Variants in CLUH observed in about 807,000 individuals in gnomAD.
CLUH encodes clustered mitochondria protein homolog.
CLUH carries 77 observed loss-of-function variants against 139.3 expected under a neutral mutation model. That is an observed-to-expected ratio of 0.55 (90% CI 0.46 to 0.67). CLUH has a LOEUF of 0.67. CLUH is among the 30% of genes least tolerant of loss of function. The probability of loss-of-function intolerance (pLI) is 0.00; values close to 1 mark genes in which losing one functional copy is unlikely to be tolerated. For missense variants in CLUH, 1,876 were observed against 1,875.8 expected (o/e 1.00, Z 0.00); for synonymous variants, 999 against 801.6 (o/e 1.25, Z -4.16).
At chr17:2,692,949 C>G (rs757294062) in intron 19 of CLUH, 89 bp from the exon 20 acceptor site, 37 of 1,301,216 alleles carry the variant, frequency 2.8e-5, no homozygotes, top group Admixed American at 2.2e-4. Context: ...CCCACGGTGC[C>G]GCTCTGCAGG....
At chr17:2,696,124 A>G (rs571159376) in intron 13 of CLUH, 35 bp downstream of exon 13, 2 of 1,504,702 alleles carry the variant, frequency 1.3e-6, no homozygotes, top group East Asian at 4.9e-5. Context: ...CACCCTCCAC[A>G]CAAGCCCCAC....
intron 22 of CLUH, 29 bp from the exon 23 acceptor site, chr17:2,692,126 GA>G: frequency 6.4e-7 from 1 of 1,571,820 alleles, no homozygotes; most frequent in Non-Finnish European, 8.6e-7. Flanking sequence ...CGGGGCGAGG[GA>G]AGGGCATAAG....
chr17:2,700,883 C>T (rs961334403), intron 7 of CLUH, 58 bp from the exon 8 acceptor site: 8 of 1,500,414 alleles, frequency 5.3e-6, no homozygotes, highest in South Asian at 2.7e-5. Flanking sequence ...AGCCCTTCCA[C>T]GGGCCCCTTT....
Position 2,704,585 on chromosome 17 carries a change from T to G in CLUH, c.101-21A>C. On this transcript the variant is annotated intron_variant, in intron 1 of 25. Coordinates refer to ENST00000651024, the MANE Select transcript of CLUH (RefSeq NM_001366661.1). This position sits in a 1 kb window ranked among gnomAD's most constrained non-coding sequence, Gnocchi z 5.7. ...CAGCTCTGCGGGTGACAAGAACGGG[T>G]CAGAATCAGGCAGCCTCGCTGGTCG... is the stretch of plus-strand genomic sequence containing the variant. 1 of 1,534,822 alleles carries G rather than the reference T, an allele frequency of 6.5e-7. No homozygotes were observed. Among genetic ancestry groups the G allele is most frequent in the Non-Finnish European group, 8.8e-7 (1 of 1,139,258 alleles).
In CLUH at chr17:2,698,087, C is replaced by T; in HGVS notation, c.1770G>A (p.Lys590=). 6.2e-7 allele frequency: 1 copy of T among 1,605,564 alleles called. No homozygotes were observed. The highest frequency in any genetic ancestry group is 1.1e-5 in the South Asian group (1 of 89,886). ...EVELCSSVEC[K]GIIGNDGRHY... is the part of the protein sequence containing the mutation. ...GGCGCCCGTCGTTGCCAATGATGCC[C>T]TTGCACTCGACCGAGGAGCAGAGCT... Residue 590 remains lysine, a synonymous_variant, in exon 10 of 26, where the codon AAG becomes AAA. Transcript: ENST00000651024.
intron 19 of CLUH, 167 bp from the exon 20 acceptor site, chr17:2,693,027 C>T: frequency 1.8e-6 from 1 of 544,378 alleles, no homozygotes; most frequent in Non-Finnish European, 3.1e-6. Context: ...GCAGCTGCTG[C>T]CACACCTTGA....
chr17:2,705,971 C>A (rs1260320451), intron 1 of CLUH, among the ~76,000 whole-genome samples: 1 of 152,176 alleles, frequency 6.6e-6, no homozygotes, highest in Non-Finnish European at 1.5e-5. Flanking sequence ...AGGACCTTGG[C>A]CCCCAGGATC....
At position 2,706,932 on chromosome 17, in the gene CLUH, A is replaced by C. The variant is rs1438838982; in HGVS notation, c.101-2368T>G. Among the ~76,000 whole-genome samples the C allele has an allele frequency of 1.3e-5, 2 of 152,180 alleles. No individual in the cohort carries two copies. Among genetic ancestry groups the C allele is most frequent in the African/African-American group, 2.4e-5 (1 of 41,438 alleles). On this transcript the variant is annotated intron_variant, in intron 1 of 25. Transcript: ENST00000651024. The surrounding 1 kb of genome is among the most constrained non-coding windows in gnomAD (Gnocchi z 4.6). ...GGACAGAAAGGAGGGACGACAAGGC[A>C]AGGTGGCCGCGGCTCCCACTCTCCT...
chr17:2,695,381 T>C lies in CLUH; in HGVS notation c.2537A>G (p.His846Arg), dbSNP rs2069898676. 6.2e-7 allele frequency: 1 copy of C among 1,612,690 alleles called. No homozygotes were observed. Among genetic ancestry groups the C allele is most frequent in the Non-Finnish European group, 8.5e-7 (1 of 1,179,688 alleles). Residue 846 changes from histidine to arginine, a missense_variant, in exon 14 of 26, where the codon CAC (histidine) becomes CGC (arginine). His to Arg is a conservative substitution (Grantham distance 29). This residue lies in a region of CLUH where 1,454 missense variants were observed against 1,384.4 expected (regional missense o/e 1.05). Transcript: ENST00000651024. Reference sequence around the variant, plus strand: ...ACCCCGGGCAGCACTCACAAAGACGTGGTCCAGCTGGTGGCGGGCCGGGCT... The same window carrying C: ...ACCCCGGGCAGCACTCACAAAGACGCGGTCCAGCTGGTGGCGGGCCGGGCT... The part of the protein sequence containing the change: ...LRSPARHQLD[H>R]VFKIGIGELI...
In CLUH at chr17:2,701,691, G is replaced by A. The variant is rs772367487; in HGVS notation, c.666C>T (p.Cys222=). The part of the protein sequence containing the change: ...KKGLEMDPID[C]TPPEYILPGS... ...CTGGCAGGATGTACTCGGGTGGTGT[G>A]CAGTCGATGGGGTCCATCTCCAAGC... Residue 222 remains cysteine, a synonymous_variant, in exon 5 of 26, where the codon TGC becomes TGT. Coordinates refer to ENST00000651024, the MANE Select transcript of CLUH (RefSeq NM_001366661.1). 6.3e-7 allele frequency: 1 copy of A among 1,591,870 alleles called. No individual in the cohort carries two copies. The highest frequency in any genetic ancestry group is 2.2e-5 in the East Asian group (1 of 44,450).
chr17:2,708,537 G>T (rs1376477510), intron 1 of CLUH, among the ~76,000 whole-genome samples: 1 of 152,074 alleles, frequency 6.6e-6, no homozygotes, highest in Non-Finnish European at 1.5e-5. Context: ...GGAAGCAGCT[G>T]CCCAAGGTCA....
At chr17:2,700,982 G>A in intron 7 of CLUH, 157 bp from the exon 8 acceptor site, 1 of 1,438,290 alleles carries the variant, frequency 7.0e-7, no homozygotes, top group Non-Finnish European at 9.3e-7. Context: ...TCCTGCGGCT[G>A]CTGTCTCGGC....
chr17:2,696,579 C>T (rs770380983), intron 11 of CLUH, 41 bp from the exon 12 acceptor site: 1 of 1,538,018 alleles, frequency 6.5e-7, no homozygotes, highest in South Asian at 1.2e-5. Context: ...TCCCCTCTGC[C>T]ACCGGTGGAG....
chr17:2,696,594 G>A lies in CLUH; in HGVS notation c.2186-56C>T. 5 of 1,531,638 alleles carry A rather than the reference G, an allele frequency of 3.3e-6. No individual in the cohort carries two copies. In the South Asian group the frequency reaches 5.9e-5, roughly 18 times the overall value. 94.9% of individuals were successfully genotyped at this position (1,531,638 alleles called of 1,614,324 possible). On this transcript the variant is annotated intron_variant, in intron 11 of 25. Coordinates refer to ENST00000651024, the MANE Select transcript of CLUH (RefSeq NM_001366661.1). The stretch of plus-strand genomic sequence containing the variant: ...TCCCCTCTGCCACCGGTGGAGCTGG[G>A]CTGCGCCAAGCCTCGCCCCCTAGCT...
At position 2,707,939 on chromosome 17, in the gene CLUH, C is replaced by T; in HGVS notation, c.101-3375G>A. The T allele has an allele frequency of 1.0e-6, 1 of 985,472 alleles. No homozygotes were observed. The highest frequency in any genetic ancestry group is 4.7e-5 in the South Asian group (1 of 21,294). The allele number at this position is 985,472 out of a possible 1,614,324, so 61.0% of individuals were successfully genotyped here. A position where few individuals can be genotyped will look rare whatever the true frequency, so the allele number is the denominator to read the frequency against. On this transcript the variant is annotated intron_variant, in intron 1 of 25. Transcript: ENST00000651024. This position sits in a 1 kb window ranked among gnomAD's most constrained non-coding sequence, Gnocchi z 7.4. ...CCAGAGGACAACTGCACCCGTGCCC[C>T]TGGCCTCCAGGCTCCATCAAGAAGC...
chr17:2,707,146 G>T lies in CLUH; in HGVS notation c.101-2582C>A, dbSNP rs556676192. 13 of 982,842 alleles carry T rather than the reference G, an allele frequency of 1.3e-5. No individual in the cohort carries two copies. The Admixed American group carries it at 6.8e-4, about 51-fold the overall frequency. The allele number at this position is 982,842 out of a possible 1,614,324, so 60.9% of individuals were successfully genotyped here. ...GAGCGATCTCCCCCGCAGGCAGCTG[G>T]CTGGCTCACCAGGTCCCGGTGCTCA... is the stretch of plus-strand genomic sequence containing the variant. On this transcript the variant is annotated intron_variant, in intron 1 of 25. Coordinates refer to ENST00000651024, the MANE Select transcript of CLUH (RefSeq NM_001366661.1). This position sits in a 1 kb window ranked among gnomAD's most constrained non-coding sequence, Gnocchi z 7.4.
In CLUH at chr17:2,707,648, G is replaced by T; in HGVS notation, c.101-3084C>A. On this transcript the variant is annotated intron_variant, in intron 1 of 25. Coordinates refer to ENST00000651024, the MANE Select transcript of CLUH (RefSeq NM_001366661.1). This position sits in a 1 kb window ranked among gnomAD's most constrained non-coding sequence, Gnocchi z 7.4. ...TGGCAGGGGCAGGGCCCAGCAAGGG[G>T]GTCCTCTCCTCCGCTCCCATCCCAG... 2 of 985,410 alleles carry T rather than the reference G, an allele frequency of 2.0e-6. No individual in the cohort carries two copies. The highest frequency in any genetic ancestry group is 3.5e-5 in the African/African-American group (2 of 57,352). The allele number at this position is 985,410 out of a possible 1,614,324, so 61.0% of individuals were successfully genotyped here.
At position 2,690,095 on chromosome 17, in the gene CLUH, G is replaced by T. The variant is rs975176535; in HGVS notation, c.*499C>A. 6.5e-6 allele frequency: 1 copy of T among 153,814 alleles called. No homozygotes were observed. Among genetic ancestry groups the T allele is most frequent in the African/African-American group, 2.4e-5 (1 of 41,488 alleles). 9.5% of individuals were successfully genotyped at this position (153,814 alleles called of 1,614,324 possible). ...CCACCCCTCCCCACCGGGTTTTTCG[G>T]CCTAAACCCTGAACTTTCAGACAGG... On this transcript the variant is annotated 3_prime_UTR_variant, in exon 26 of 26. Transcript: ENST00000651024.
chr17:2,700,939 C>T (rs2151712650), intron 7 of CLUH, 114 bp from the exon 8 acceptor site: 3 of 1,441,440 alleles, frequency 2.1e-6, no homozygotes, highest in East Asian at 4.8e-5. Context: ...TGAGACACTG[C>T]CCTGGAGCCA....
Sources: gnomAD v4.1 joint callset for allele counts (sites outside exome capture counted in the v4.1 genomes callset) on GRCh38, gnomAD v4.1.1 for gene constraint, gnomAD v4.1.1 regional missense constraint, Gnocchi (gnomAD v3.1) non-coding constraint, MANE v1.5 for transcripts, NCBI Gene and HGNC (gene_info 2026-07-23, HGNC 2026-07-21) for gene names.